Variants in ADGRB3 observed in about 807,000 individuals in gnomAD.
ADGRB3 encodes the protein adhesion G protein-coupled receptor B3.
In ADGRB3, 37 loss-of-function variants were observed where a neutral mutation model predicts 193.4. The ratio of observed to expected loss-of-function variants is 0.19; its 90% CI spans 0.15 to 0.25. The LOEUF is 0.25. ADGRB3 is among the 10% of genes least tolerant of loss of function. The pLI, the probability that ADGRB3 is intolerant of heterozygous loss-of-function variation, is 1.00. For missense variants in ADGRB3, 1,637 were observed against 1,852.9 expected, an observed-to-expected ratio of 0.88 and a Z score of 2.14; for synonymous variants, 690 against 644.2, an observed-to-expected ratio of 1.07 and a Z score of -1.08.
intron 13 of ADGRB3, among the ~76,000 whole-genome samples, chr6:69,033,962 A>G (rs140880638): frequency 2.2e-4 from 34 of 152,220 alleles, no homozygotes; most frequent in Admixed American, 2.2e-3. Flanking sequence ...AGTGATTTAT[A>G]TTGGATAATA....
chr6:69,048,964 G>T (rs1771315629), intron 14 of ADGRB3, among the ~76,000 whole-genome samples: 1 of 150,934 alleles, frequency 6.6e-6, no homozygotes, highest in Non-Finnish European at 1.5e-5. Flanking sequence ...GACCTTAAAA[G>T]GTAAAAATCC....
intron 13 of ADGRB3, among the ~76,000 whole-genome samples, chr6:69,020,210 A>G (rs577245269): frequency 1.7e-4 from 26 of 152,102 alleles, no homozygotes; most frequent in Non-Finnish European, 3.8e-4. Flanking sequence ...TTGCTAATTA[A>G]AAGAATGCTC....
rs367779135 is a variant in ADGRB3 at position 69,150,652 on chromosome 6, T to G, written c.2480+74614T>G. On this transcript the variant is annotated intron_variant, in intron 17 of 31. Transcript: ENST00000370598. ...CTGCAAGACACATTTCCCTTCACTTTTACCTCTTCTTTCCTTAAACAAAAG... is the reference window on the plus strand; with the variant it reads ...CTGCAAGACACATTTCCCTTCACTTGTACCTCTTCTTTCCTTAAACAAAAG... 7.2e-4 allele frequency among the ~76,000 whole-genome samples: 109 copies of G among 152,314 alleles called. 1 individual carries two copies. In the South Asian group the frequency reaches 0.018, roughly 25 times the overall value.
chr6:68,836,874 A>T (rs551034378), intron 3 of ADGRB3, among the ~76,000 whole-genome samples: 1 of 152,298 alleles, frequency 6.6e-6, no homozygotes, highest in Non-Finnish European at 1.5e-5. Context: ...GAAGTTATTC[A>T]TGAAAATATG....
chr6:69,144,345 C>A (rs959899934), intron 17 of ADGRB3, among the ~76,000 whole-genome samples: 7 of 152,134 alleles, frequency 4.6e-5, no homozygotes, highest in Non-Finnish European at 8.8e-5. Context: ...AAGATCATAT[C>A]ATCTGCAAAC....
chr6:68,690,951 A>G (rs1335434490), intron 3 of ADGRB3, among the ~76,000 whole-genome samples: 1 of 152,152 alleles, frequency 6.6e-6, no homozygotes, highest in Admixed American at 6.6e-5. Flanking sequence ...TCTAATAATC[A>G]TTTCATTAAA....
rs62416407 is a variant in ADGRB3 at position 68,889,969 on chromosome 6, T to C, written c.758-40590T>C. On this transcript the variant is annotated intron_variant, in intron 3 of 31. Coordinates refer to ENST00000370598, the MANE Select transcript of ADGRB3 (RefSeq NM_001704.3). ...GGTATATAAAAAGTAGTGAGTACTG[T>C]TGTAAAACTCTATACATGGCCAACA... Among the ~76,000 whole-genome samples the C allele has an allele frequency of 3.1e-3, 467 of 152,344 alleles. 1 individual carries two copies. The highest frequency in any genetic ancestry group is 5.7e-3 in the Non-Finnish European group (385 of 68,026).
At chr6:68,839,563 C>T (rs1768111428) in intron 3 of ADGRB3, among the ~76,000 whole-genome samples, 1 of 152,154 alleles carries the variant, frequency 6.6e-6, no homozygotes, top group African/African-American at 2.4e-5. Context: ...CTCCTATTGG[C>T]CATGTGGACT....
intron 3 of ADGRB3, among the ~76,000 whole-genome samples, chr6:68,834,457 T>C (rs1422328817): frequency 6.6e-6 from 1 of 152,188 alleles, no homozygotes; most frequent in Non-Finnish European, 1.5e-5. Flanking sequence ...GTTTATATAA[T>C]TTTCTATAAA....
At chr6:68,844,392 A>G (rs1282149379) in intron 3 of ADGRB3, among the ~76,000 whole-genome samples, 1 of 152,186 alleles carries the variant, frequency 6.6e-6, no homozygotes, top group East Asian at 1.9e-4. Flanking sequence ...TCAAAAGACA[A>G]AATACAAAGA....
intron 20 of ADGRB3, among the ~76,000 whole-genome samples, chr6:69,242,418 G>A (rs1222384291): frequency 6.6e-6 from 1 of 151,786 alleles, no homozygotes. Context: ...AGAGCTTTTT[G>A]ATGAAGAAAT....
At chr6:68,681,223 A>G (rs570129797) in intron 3 of ADGRB3, among the ~76,000 whole-genome samples, 107 of 152,308 alleles carry the variant, frequency 7.0e-4, no homozygotes, top group Middle Eastern at 6.8e-3. Flanking sequence ...TACAACCCAA[A>G]TACCTCCCAC....
intron 17 of ADGRB3, among the ~76,000 whole-genome samples, chr6:69,203,739 G>C (rs1280192715): frequency 1.3e-5 from 2 of 151,996 alleles, no homozygotes; most frequent in Admixed American, 6.6e-5. Flanking sequence ...TAACAAATAT[G>C]CATAATCCGC....
intron 3 of ADGRB3, among the ~76,000 whole-genome samples, chr6:68,749,682 C>T (rs1437278665): frequency 6.6e-6 from 1 of 151,960 alleles, no homozygotes; most frequent in Non-Finnish European, 1.5e-5. Context: ...CCTATTCTAA[C>T]ATTTTCTCAG....
intron 17 of ADGRB3, among the ~76,000 whole-genome samples, chr6:69,116,291 C>T (rs1773530146): frequency 1.3e-5 from 2 of 152,180 alleles, no homozygotes; most frequent in South Asian, 2.1e-4. Flanking sequence ...AACAACTGAG[C>T]ATCATAACCT....
At chr6:69,208,558 G>A (rs921600819) in intron 17 of ADGRB3, among the ~76,000 whole-genome samples, 1 of 152,192 alleles carries the variant, frequency 6.6e-6, no homozygotes, top group South Asian at 2.1e-4. Context: ...TCCTAGAAAG[G>A]GGCTGTCATG....
chr6:69,327,914 C>G, intron 22 of ADGRB3, 25 bp downstream of exon 22: 1 of 1,568,400 alleles, frequency 6.4e-7, no homozygotes, highest in Non-Finnish European at 8.7e-7. Context: ...AGAGATAAAT[C>G]ATGTTTATAA....
intron 8 of ADGRB3, among the ~76,000 whole-genome samples, chr6:68,965,409 A>T (rs563923813): frequency 5.9e-5 from 9 of 151,478 alleles, no homozygotes; most frequent in Non-Finnish European, 1.2e-4. Flanking sequence ...ATTGCCAACA[A>T]GCGAATTTTG....
chr6:68,656,800 A>G (rs1768499937), intron 3 of ADGRB3, among the ~76,000 whole-genome samples: 1 of 151,600 alleles, frequency 6.6e-6, no homozygotes, highest in Non-Finnish European at 1.5e-5. Context: ...TTCCACTAGT[A>G]TGACCTTTGG....
Sources: allele counts gnomAD v4.1 joint callset (sites outside exome capture counted in the v4.1 genomes callset), GRCh38; gene constraint gnomAD v4.1.1; transcripts MANE v1.5; gene names NCBI Gene and HGNC (gene_info 2026-07-23, HGNC 2026-07-21).